The following ZFAND3 variants were observed in gnomAD, a reference collection of about 807,000 sequenced individuals.
ZFAND3 encodes AN1-type zinc finger protein 3.
In ZFAND3, 10 loss-of-function variants were observed where a neutral mutation model predicts 29.6. The ratio of observed to expected loss-of-function variants is 0.34; its 90% CI spans 0.21 to 0.57. The LOEUF is 0.57. Among genes scored for constraint, ZFAND3 ranks in the 20% least tolerant of loss-of-function variants. ZFAND3 has a pLI of 0.86. For missense variants in ZFAND3, 230 were observed against 304.5 expected (o/e 0.76, Z 1.82); for synonymous variants, 128 against 112.6 (o/e 1.14, Z -0.87).
chr6:38,154,374 G>A lies in ZFAND3; in HGVS notation c.*1985G>A. 1.3e-6 allele frequency: 1 copy of A among 740,942 alleles called. No homozygotes were observed. Among genetic ancestry groups the A allele is most frequent in the Non-Finnish European group, 1.6e-6 (1 of 618,170 alleles). 45.9% of individuals were successfully genotyped at this position (740,942 alleles called of 1,614,324 possible). On this transcript the variant is annotated 3_prime_UTR_variant, in exon 6 of 6. Coordinates refer to ENST00000287218, the MANE Select transcript of ZFAND3 (RefSeq NM_021943.3). ...CATGTTCGCTTCCTGACTTAGAGCT[G>A]GGGGGGGTGGGGGGTGGGGCTTGTT...
At chr6:38,028,058 AT>A (rs1283311829) in intron 2 of ZFAND3, among the ~76,000 whole-genome samples, 1 of 152,236 alleles carries the variant, frequency 6.6e-6, no homozygotes, top group East Asian at 1.9e-4. Context: ...CTACAAGAAT[AT>A]TTGGAATTTG....
intron 2 of ZFAND3, among the ~76,000 whole-genome samples, chr6:38,031,908 T>G (rs1314703469): frequency 7.2e-6 from 1 of 139,372 alleles, no homozygotes; most frequent in Non-Finnish European, 1.5e-5. Context: ...CATAGCTCAC[T>G]GCAGCCTCAA....
intron 5 of ZFAND3, among the ~76,000 whole-genome samples, chr6:38,132,823 C>G (rs151201226): frequency 1.3e-5 from 2 of 152,288 alleles, no homozygotes; most frequent in African/African-American, 4.8e-5. Context: ...CTCTACCCAG[C>G]TTAAACTGGC....
chr6:37,877,884 C>A (rs1048470301), intron 1 of ZFAND3, among the ~76,000 whole-genome samples: 2 of 152,130 alleles, frequency 1.3e-5, no homozygotes, highest in Admixed American at 1.3e-4. Context: ...GTGAAGCAGA[C>A]GCTGGAAGGT....
At chr6:38,123,294 C>T (rs951370980) in intron 5 of ZFAND3, among the ~76,000 whole-genome samples, 1 of 152,182 alleles carries the variant, frequency 6.6e-6, no homozygotes, top group Non-Finnish European at 1.5e-5. Context: ...GTGATTAGGA[C>T]ACATGTTGGG....
chr6:38,013,697 A>G (rs1200485512), intron 2 of ZFAND3, among the ~76,000 whole-genome samples: 2 of 152,038 alleles, frequency 1.3e-5, no homozygotes, highest in African/African-American at 4.8e-5. Context: ...TGGTTTTAAA[A>G]CTTAGCCACA....
At chr6:37,889,314 T>C (rs1431423331) in intron 1 of ZFAND3, among the ~76,000 whole-genome samples, 1 of 152,174 alleles carries the variant, frequency 6.6e-6, no homozygotes, top group African/African-American at 2.4e-5. Flanking sequence ...CCAGAAAACT[T>C]CCCTTTACAT....
At chr6:37,962,726 A>G (rs987471044) in intron 2 of ZFAND3, among the ~76,000 whole-genome samples, 1 of 152,216 alleles carries the variant, frequency 6.6e-6, no homozygotes, top group Non-Finnish European at 1.5e-5. Context: ...GGGCCAAATA[A>G]GGGAATAAAA....
In ZFAND3 at chr6:37,879,454, T is replaced by C. The variant is rs185919211; in HGVS notation, c.72-50505T>C. 2.0e-3 allele frequency among the ~76,000 whole-genome samples: 305 copies of C among 152,180 alleles called. 4 individuals are homozygous for C. Among genetic ancestry groups the C allele is most frequent in the African/African-American group, 7.1e-3 (293 of 41,536 alleles). Reference sequence around the variant, plus strand: ...ATCTTTATTATTCTTGATACCCACATGGACTTGCATACTTGGGTTAGTTAT... The same window carrying C: ...ATCTTTATTATTCTTGATACCCACACGGACTTGCATACTTGGGTTAGTTAT... On this transcript the variant is annotated intron_variant, in intron 1 of 5. Transcript: ENST00000287218.
At chr6:38,056,220 AAATG>A (rs1764131981) in intron 2 of ZFAND3, among the ~76,000 whole-genome samples, 1 of 152,350 alleles carries the variant, frequency 6.6e-6, no homozygotes. Flanking sequence ...ATGTATCTAT[AAATG>A]AATGAGACCA....
chr6:38,093,855 C>G (rs181806142), intron 4 of ZFAND3, among the ~76,000 whole-genome samples: 22 of 152,094 alleles, frequency 1.4e-4, no homozygotes, highest in Admixed American at 2.6e-4. Context: ...GAGACAGGGT[C>G]GGGCATTTTT....
intron 1 of ZFAND3, among the ~76,000 whole-genome samples, chr6:37,839,627 G>C (rs2127373081): frequency 6.6e-6 from 1 of 151,556 alleles, no homozygotes; most frequent in East Asian, 1.9e-4. Context: ...TGATTCTCCT[G>C]CCTCAGCCTC....
At chr6:38,104,247 A>G (rs1765164546) in intron 4 of ZFAND3, among the ~76,000 whole-genome samples, 1 of 152,118 alleles carries the variant, frequency 6.6e-6, no homozygotes, top group Admixed American at 6.5e-5. Flanking sequence ...CAATGAACCC[A>G]TCCTCATCTG....
At chr6:38,115,949 T>G (rs2127484469) in intron 4 of ZFAND3, among the ~76,000 whole-genome samples, 1 of 152,320 alleles carries the variant, frequency 6.6e-6, no homozygotes, top group African/African-American at 2.4e-5. Flanking sequence ...GCAGCTTGCA[T>G]GTGTACCAGC....
intron 1 of ZFAND3, among the ~76,000 whole-genome samples, chr6:37,876,144 A>G (rs1020081243): frequency 6.6e-6 from 1 of 152,230 alleles, no homozygotes; most frequent in African/African-American, 2.4e-5. Flanking sequence ...AAGGTGAAGC[A>G]GGAAATAAAG....
At chr6:38,125,302 A>G (rs1765614316) in intron 5 of ZFAND3, among the ~76,000 whole-genome samples, 1 of 152,182 alleles carries the variant, frequency 6.6e-6, no homozygotes. Flanking sequence ...GCAACTTGAG[A>G]TGTTAGAGCA....
At chr6:38,122,503 T>G in intron 5 of ZFAND3, among the ~76,000 whole-genome samples, 1 of 152,260 alleles carries the variant, frequency 6.6e-6, no homozygotes, top group South Asian at 2.1e-4. Flanking sequence ...ATTTAGCCAG[T>G]GGAAGTTATT....
intron 2 of ZFAND3, among the ~76,000 whole-genome samples, chr6:37,931,739 TTTG>T (rs904214360): frequency 3.9e-5 from 6 of 152,062 alleles, no homozygotes; most frequent in African/African-American, 1.4e-4. Flanking sequence ...AGAGATTTTT[TTTG>T]TTGTTGTTAA....
At chr6:37,997,967 A>G (rs909014659) in intron 2 of ZFAND3, among the ~76,000 whole-genome samples, 2 of 152,198 alleles carry the variant, frequency 1.3e-5, no homozygotes, top group South Asian at 2.1e-4. Context: ...GTTAACTGCT[A>G]TATTGAAATT....
Sources: gnomAD v4.1 joint callset for allele counts (sites outside exome capture counted in the v4.1 genomes callset) on GRCh38, gnomAD v4.1.1 for gene constraint, MANE v1.5 for transcripts, NCBI Gene and HGNC (gene_info 2026-07-23, HGNC 2026-07-21) for gene names.